Variants in UXS1 observed in about 807,000 individuals in gnomAD.
The protein encoded by UXS1 is UDP-glucuronic acid decarboxylase 1.
In UXS1, 33 loss-of-function variants were observed where a neutral mutation model predicts 62.6. The ratio of observed to expected loss-of-function variants is 0.53; its 90% CI spans 0.40 to 0.70. The LOEUF is 0.70. Ranked by LOEUF, UXS1 falls within the 30% of genes least tolerant of loss-of-function variation. The pLI, the probability that UXS1 is intolerant of heterozygous loss-of-function variation, is 0.00. For missense variants in UXS1, 434 were observed against 556.3 expected, an observed-to-expected ratio of 0.78 and a Z score of 2.21; for synonymous variants, 213 against 206.8, an observed-to-expected ratio of 1.03 and a Z score of -0.26.
At chr2:106,111,722 A>G (rs1471508647) in intron 10 of UXS1, among the ~76,000 whole-genome samples, 1 of 152,226 alleles carries the variant, frequency 6.6e-6, no homozygotes, top group Non-Finnish European at 1.5e-5. Flanking sequence ...CAATGGGTAG[A>G]TGCATATGTA....
At chr2:106,159,149 T>C (rs771218515) in intron 4 of UXS1, 4 of 152,258 alleles carry the variant, frequency 2.6e-5, no homozygotes, top group Non-Finnish European at 5.9e-5. Flanking sequence ...TAACACCTGT[T>C]GTTCTCAGTG....
intron 1 of UXS1, among the ~76,000 whole-genome samples, chr2:106,180,959 C>T (rs140015638): frequency 6.6e-6 from 1 of 152,266 alleles, no homozygotes; most frequent in East Asian, 1.9e-4. Flanking sequence ...GGATATGTGA[C>T]AATATTTTAC....
intron 11 of UXS1, chr2:106,101,342 T>C: frequency 1.8e-6 from 1 of 542,724 alleles, no homozygotes. Context: ...GATTTGCTTT[T>C]TTTGGGTGTG....
intron 5 of UXS1, 139 bp from the exon 6 acceptor site, chr2:106,145,509 G>C: frequency 9.5e-7 from 1 of 1,053,466 alleles, no homozygotes. Flanking sequence ...AGACAGCAAA[G>C]GTTTTAAGGT....
chr2:106,115,964 A>G (rs907437458), intron 9 of UXS1, among the ~76,000 whole-genome samples: 1 of 152,174 alleles, frequency 6.6e-6, no homozygotes, highest in African/African-American at 2.4e-5. Context: ...GAACAGGCTG[A>G]GGCTCCCAAA....
intron 1 of UXS1, among the ~76,000 whole-genome samples, chr2:106,170,664 C>G (rs1683499613): frequency 6.6e-6 from 1 of 152,202 alleles, no homozygotes; most frequent in Non-Finnish European, 1.5e-5. Flanking sequence ...GACCAAAGAA[C>G]AGACACACAC....
At chr2:106,138,808 G>A in intron 6 of UXS1, 1 of 985,410 alleles carries the variant, frequency 1.0e-6, no homozygotes, top group Non-Finnish European at 1.2e-6. Context: ...GAAAATCAAA[G>A]TTTCCCACCA....
At chr2:106,115,469 T>G (rs1243464122) in intron 9 of UXS1, among the ~76,000 whole-genome samples, 1 of 152,236 alleles carries the variant, frequency 6.6e-6, no homozygotes, top group Non-Finnish European at 1.5e-5. Context: ...TAGGCATGGC[T>G]GGATTTCACT....
intron 1 of UXS1, among the ~76,000 whole-genome samples, chr2:106,173,132 C>CAATG (rs1390559938): frequency 3.9e-5 from 6 of 152,214 alleles, no homozygotes; most frequent in Non-Finnish European, 8.8e-5. Flanking sequence ...ACAGCAGCAA[C>CAATG]AATTTTGTTT....
intron 1 of UXS1, among the ~76,000 whole-genome samples, chr2:106,180,871 T>C (rs1367121248): frequency 6.6e-6 from 1 of 152,230 alleles, no homozygotes; most frequent in Non-Finnish European, 1.5e-5. Flanking sequence ...CAATGATGCC[T>C]GGTGTGGCAT....
chr2:106,109,751 G>C (rs983047157), intron 10 of UXS1, among the ~76,000 whole-genome samples: 1 of 152,152 alleles, frequency 6.6e-6, no homozygotes, highest in African/African-American at 2.4e-5. Context: ...ACAGGCATCT[G>C]GTACAGCAAC....
intron 1 of UXS1, among the ~76,000 whole-genome samples, chr2:106,191,625 T>C (rs891580660): frequency 6.6e-6 from 1 of 152,248 alleles, no homozygotes; most frequent in African/African-American, 2.4e-5. Context: ...GGCAGCCTCA[T>C]GGCTGTAATT....
At chr2:106,139,231 GA>G (rs1378587881) in intron 6 of UXS1, among the ~76,000 whole-genome samples, 1 of 152,158 alleles carries the variant, frequency 6.6e-6, no homozygotes, top group East Asian at 1.9e-4. Context: ...GACCGCTAGA[GA>G]CCCTGCCACG....
At chr2:106,098,027 C>G (rs992735895) in intron 13 of UXS1, among the ~76,000 whole-genome samples, 4 of 152,378 alleles carry the variant, frequency 2.6e-5, no homozygotes, top group Middle Eastern at 3.4e-3. Context: ...TCTGAATGGT[C>G]ACCTCAGGAC....
chr2:106,121,414 A>G (rs1679507476), intron 9 of UXS1, among the ~76,000 whole-genome samples: 1 of 152,244 alleles, frequency 6.6e-6, no homozygotes, highest in African/African-American at 2.4e-5. Context: ...ATAAAAATTC[A>G]CTAGGTAAGA....
chr2:106,164,699 C>T, intron 3 of UXS1, 37 bp downstream of exon 3: 1 of 1,436,462 alleles, frequency 7.0e-7, no homozygotes, highest in Admixed American at 2.1e-5. Flanking sequence ...GACAAGTATA[C>T]AGATGAAATA....
Position 106,094,033 on chromosome 2 carries a change from T to G in UXS1, c.1271A>C (p.His424Pro). The G allele has an allele frequency of 6.2e-7, 1 of 1,612,194 alleles. No individual in the cohort carries two copies. The highest frequency in any genetic ancestry group is 8.5e-7 in the Non-Finnish European group (1 of 1,179,476). ...GTCCTAAAAGTGAGGAGTTCAGCTGTGGCGAGTCCGTCCTTTCTTTATTCT... is the reference window on the plus strand; with the variant it reads ...GTCCTAAAAGTGAGGAGTTCAGCTGGGGCGAGTCCGTCCTTTCTTTATTCT... The part of the protein sequence containing the change: ...PARIKKGRTR[H>P]S Residue 424 changes from histidine to proline, a missense_variant, in exon 15 of 15, where the codon CAC (histidine) becomes CCC (proline). Transcript: ENST00000283148.
intron 9 of UXS1, among the ~76,000 whole-genome samples, chr2:106,121,446 G>A (rs571817581): frequency 1.3e-5 from 2 of 152,278 alleles, no homozygotes; most frequent in South Asian, 4.1e-4. Flanking sequence ...AGGACTGAAA[G>A]CAAAAGAAAA....
intron 1 of UXS1, among the ~76,000 whole-genome samples, chr2:106,166,888 A>C (rs902181369): frequency 6.6e-5 from 10 of 152,126 alleles, no homozygotes; most frequent in African/African-American, 2.4e-4. Context: ...CTAGTCACAA[A>C]AATCAAATAA....
Sources: allele counts gnomAD v4.1 joint callset (sites outside exome capture counted in the v4.1 genomes callset), GRCh38; gene constraint gnomAD v4.1.1; transcripts MANE v1.5; gene names NCBI Gene and HGNC (gene_info 2026-07-23, HGNC 2026-07-21).